The following MUC5AC variants were observed in gnomAD, a reference collection of about 807,000 sequenced individuals.
MUC5AC encodes mucin 5AC, oligomeric mucus/gel-forming, also known as mucin-5AC.
Under a neutral mutation model 169.7 loss-of-function variants are expected in MUC5AC, and 158 were observed. The observed-to-expected ratio is 0.93, with a 90% CI of 0.82 to 1.06. The LOEUF is 1.06. Ranked by LOEUF, MUC5AC falls within the 50% of genes least tolerant of loss-of-function variation. The pLI is 0.00. For missense variants in MUC5AC, 4,359 were observed against 3,089.9 expected (o/e 1.41, Z -9.74); for synonymous variants, 1,975 against 1,237.0 (o/e 1.60, Z -12.52).
chr11:1,199,748 GC>G lies in MUC5AC; in HGVS notation c.16574del (p.Pro5525ArgfsTer15). ...GCCRFCPPPPPPYQNQSTCAV... is the reference protein window; with the variant it reads ...GCCRFCPPPPXPYQNQSTCAV... Reference sequence around the variant, plus strand: ...GCTGCCGCTTCTGCCCGCCGCCCCCGCCCCCGTACCAGAACCGTGAGTACCC... The same window carrying G: ...GCTGCCGCTTCTGCCCGCCGCCCCCGCCCCGTACCAGAACCGTGAGTACCC... On this transcript the variant is annotated frameshift_variant, in exon 47 of 49. Transcript: ENST00000621226. LOFTEE classifies it high-confidence loss of function. 2 of 712,598 alleles carry G rather than the reference GC, an allele frequency of 2.8e-6. No individual in the cohort carries two copies. The highest frequency in any genetic ancestry group is 5.1e-6 in the Non-Finnish European group (2 of 390,896). 44.1% of individuals were successfully genotyped at this position (712,598 alleles called of 1,614,324 possible).
intron 15 of MUC5AC, chr11:1,169,268 C>T (rs966630350): frequency 4.3e-6 from 3 of 700,740 alleles, no homozygotes; most frequent in African/African-American, 3.9e-5. Flanking sequence ...TGGTCAACAT[C>T]CGCCCTGACC....
At position 1,178,654 on chromosome 11, in the gene MUC5AC, G is replaced by A. The variant is rs1044939284; in HGVS notation, c.3298G>A (p.Gly1100Ser). 1,614 of 1,337,794 alleles carry A rather than the reference G, an allele frequency of 1.2e-3. 23 individuals carry two copies. In the African/African-American group the frequency reaches 0.022, roughly 18 times the overall value. 82.9% of individuals were successfully genotyped at this position (1,337,794 alleles called of 1,614,324 possible). A position where few individuals can be genotyped will look rare whatever the true frequency, so the allele number is the denominator to read the frequency against. The change falls in exon 25 of 49, where the codon GGC becomes AGC. Residue 1100 changes from glycine (G) to serine (S), a missense_variant. Gly to Ser is a moderately conservative substitution (Grantham distance 56). Coordinates refer to ENST00000621226, the MANE Select transcript of MUC5AC (RefSeq NM_001304359.2). ...WAQKQCSILH[G>S]PTFAACHAHV... The stretch of plus-strand genomic sequence containing the variant: ...CCAGAAGCAGTGCAGCATCCTCCAC[G>A]GCCCCACCTTCGCCGCCTGCCACGC...
Position 1,177,269 on chromosome 11 carries a change from T to C in MUC5AC, c.2832T>C (p.Phe944=), listed in dbSNP as rs36132281. ...GGAAAGACAGCACCCAGGACTCCTT[T>C]CGTGTTGTCACCGAGAACGTCCCCT... ...CGGKDSTQDS[F]RVVTENVPCG... Residue 944 remains phenylalanine (F), a synonymous_variant, in exon 23 of 49, where the codon TTT becomes TTC. Coordinates refer to ENST00000621226, the MANE Select transcript of MUC5AC (RefSeq NM_001304359.2). The C allele has an allele frequency of 0.17, 73,783 of 438,192 alleles. 7,021 individuals carry two copies. Among genetic ancestry groups the C allele is most frequent in the Non-Finnish European group, 0.2 (48,255 of 247,080 alleles). The allele number at this position is 438,192 out of a possible 1,614,324, so 27.1% of individuals were successfully genotyped here.
chr11:1,166,390 A>G (rs1386582572), intron 11 of MUC5AC, among the ~76,000 whole-genome samples: 2 of 138,448 alleles, frequency 1.4e-5, no homozygotes, highest in African/African-American at 5.6e-5. Flanking sequence ...TCTCTCCACA[A>G]TGAGACCCTG....
Position 1,190,800 on chromosome 11 carries a change from T to A in MUC5AC, c.12655T>A (p.Ser4219Thr). 1.4e-6 allele frequency: 1 copy of A among 722,832 alleles called. No homozygotes were observed. Among genetic ancestry groups the A allele is most frequent in the South Asian group, 1.4e-5 (1 of 69,026 alleles). 44.8% of individuals were successfully genotyped at this position (722,832 alleles called of 1,614,324 possible). The change falls in exon 31 of 49, where the codon TCC (serine) becomes ACC (threonine). Residue 4219 changes from serine (S) to threonine (T), a missense_variant. Ser to Thr is a moderately conservative substitution (Grantham distance 58). Coordinates refer to ENST00000621226, the MANE Select transcript of MUC5AC (RefSeq NM_001304359.2). ...CTCAGCTGCTACAAGCAGCACAACC[T>A]CCGGTTCTGGAACTACTCCAAGCCC... ...KTSAATSSTTSGSGTTPSPVP... is the reference protein window; with the variant it reads ...KTSAATSSTTTGSGTTPSPVP...
chr11:1,187,352 C>A lies in MUC5AC; in HGVS notation c.9207C>A (p.Ser3069Arg). Reference sequence around the variant, plus strand: ...CTTCTGGTCCTGGAACTACCCCAAGCCCTGTTCCCACCACCAGCACAACCT... The same window carrying A: ...CTTCTGGTCCTGGAACTACCCCAAGACCTGTTCCCACCACCAGCACAACCT... The part of the protein sequence containing the change: ...SITSGPGTTP[S>R]PVPTTSTTSA... Residue 3069 changes from serine to arginine, a missense_variant, in exon 31 of 49, where the codon AGC becomes AGA. Coordinates refer to ENST00000621226, the MANE Select transcript of MUC5AC (RefSeq NM_001304359.2). The A allele has an allele frequency of 1.3e-6, 1 of 741,154 alleles. No individual in the cohort carries two copies. Among genetic ancestry groups the A allele is most frequent in the Non-Finnish European group, 2.5e-6 (1 of 405,250 alleles). 45.9% of individuals were successfully genotyped at this position (741,154 alleles called of 1,614,324 possible). A position where few individuals can be genotyped will look rare whatever the true frequency, so the allele number is the denominator to read the frequency against.
rs749493412 is a variant in MUC5AC at position 1,197,490 on chromosome 11, A to G, written c.15884A>G (p.Asp5295Gly). ...PVKVGHTVGM[D>G]CQECTCEAAT... ...CAGGTGGGCCACACCGTCGGCATGGACTGCCAGGAGTGCACGTGTGAGGCG... is the reference window on the plus strand; with the variant it reads ...CAGGTGGGCCACACCGTCGGCATGGGCTGCCAGGAGTGCACGTGTGAGGCG... The change falls in exon 41 of 49, where the codon GAC becomes GGC. Residue 5295 changes from aspartate (D) to glycine (G), a missense_variant. Asp to Gly is a moderately conservative substitution (Grantham distance 94). Transcript: ENST00000621226. 7.0e-6 allele frequency: 5 copies of G among 717,406 alleles called. No homozygotes were observed. Among genetic ancestry groups the G allele is most frequent in the South Asian group, 5.8e-5 (4 of 68,426 alleles). 44.4% of individuals were successfully genotyped at this position (717,406 alleles called of 1,614,324 possible).
Position 1,175,149 on chromosome 11 carries a change from C to T in MUC5AC, c.2348+12C>T, listed in dbSNP as rs1049585983. 1.3e-4 allele frequency: 46 copies of T among 342,810 alleles called. No individual in the cohort carries two copies. The highest frequency in any genetic ancestry group is 4.9e-4 in the Admixed American group (8 of 16,220). The allele number at this position is 342,810 out of a possible 1,614,324, so 21.2% of individuals were successfully genotyped here. On this transcript the variant is annotated intron_variant, in intron 18 of 48. Transcript: ENST00000621226. ...AGCGGGGCTATCTGGTAAGAGCTCC[C>T]GCTGTGGACTGGGGGGTCCCTCGTG...
At chr11:1,170,691 A>G (rs1288204449) in intron 15 of MUC5AC, among the ~76,000 whole-genome samples, 2 of 131,862 alleles carry the variant, frequency 1.5e-5, no homozygotes, top group African/African-American at 3.0e-5. Context: ...CCATTCACCC[A>G]CTCACCCACT....
Position 1,191,829 on chromosome 11 carries a change from A to C in MUC5AC, c.13684A>C (p.Thr4562Pro). 1.3e-6 allele frequency: 1 copy of C among 760,408 alleles called. No individual in the cohort carries two copies. The allele number at this position is 760,408 out of a possible 1,614,324, so 47.1% of individuals were successfully genotyped here. ...AACCTCTGCTCCTACAACTAGCACA[A>C]CCTCTGGTCCTGGAACTACTCCCAG... is the stretch of plus-strand genomic sequence containing the variant. ...STTSAPTTST[T>P]SGPGTTPSPV... Residue 4562 changes from threonine to proline, a missense_variant, in exon 31 of 49, where the codon ACC (threonine) becomes CCC (proline). Coordinates refer to ENST00000621226, the MANE Select transcript of MUC5AC (RefSeq NM_001304359.2).
chr11:1,186,769 G>C lies in MUC5AC; in HGVS notation c.8624G>C (p.Ser2875Thr). 3 of 740,396 alleles carry C rather than the reference G, an allele frequency of 4.1e-6. No individual in the cohort carries two copies. The highest frequency in any genetic ancestry group is 7.4e-6 in the Non-Finnish European group (3 of 405,770). The allele number at this position is 740,396 out of a possible 1,614,324, so 45.9% of individuals were successfully genotyped here. ...TSSTTSTATT[S>T]TTSGPGTTPS... ...AGCACAACCTCCACTGCTACAACCA[G>C]CACAACCTCTGGCCCTGGAACTACT... The change falls in exon 31 of 49, where the codon AGC becomes ACC. Residue 2875 changes from serine (S) to threonine (T), a missense_variant. Physicochemically the swap from Ser to Thr is moderately conservative, Grantham distance 58. Transcript: ENST00000621226.
chr11:1,161,523 G>C lies in MUC5AC; in HGVS notation c.152-4G>C, dbSNP rs756734924. ...GTGAATCCTACCAGCCCCTGTCTCC[G>C]CAGGGGTCCCGCTCCGTGGGGCGAC... is the stretch of plus-strand genomic sequence containing the variant. On this transcript the variant is annotated splice_region_variant and splice_polypyrimidine_tract_variant and intron_variant, in intron 2 of 48. Transcript: ENST00000621226. 1.9e-6 allele frequency: 3 copies of C among 1,596,382 alleles called. No homozygotes were observed. In the South Asian group the frequency reaches 3.3e-5, roughly 18 times the overall value.
chr11:1,199,039 G>T (rs541062843), intron 44 of MUC5AC, 43 bp downstream of exon 44: 2 of 763,130 alleles, frequency 2.6e-6, no homozygotes, highest in South Asian at 2.7e-5. Context: ...TGGCTCTTGG[G>T]GGGCAGCGGT....
chr11:1,167,857 T>A lies in MUC5AC; in HGVS notation c.1387-20T>A, dbSNP rs552410378. The stretch of plus-strand genomic sequence containing the variant: ...GCGTTGGATGGAGTGTGAGGACCCC[T>A]GGTGTGTCGTGTTCCGCAGCCCTGT... On this transcript the variant is annotated intron_variant, in intron 11 of 48. Transcript: ENST00000621226. 1 of 1,546,266 alleles carries A rather than the reference T, an allele frequency of 6.5e-7. No homozygotes were observed. Among genetic ancestry groups the A allele is most frequent in the East Asian group, 2.4e-5 (1 of 40,902 alleles).
intron 15 of MUC5AC, among the ~76,000 whole-genome samples, chr11:1,171,329 A>C: frequency 1.9e-5 from 2 of 102,914 alleles, no homozygotes; most frequent in African/African-American, 4.0e-5. Context: ...CACCTCACTC[A>C]CTCACTCACG....
In MUC5AC at chr11:1,185,767, C is replaced by A. The variant is rs1469470921; in HGVS notation, c.7622C>A (p.Thr2541Asn). Residue 2541 changes from threonine to asparagine, a missense_variant, in exon 31 of 49, where the codon ACC becomes AAC. Thr to Asn is a moderately conservative substitution (Grantham distance 65). Transcript: ENST00000621226. ...TPSPVPTTST[T>N]SAPTTSTTSA... ...AGCCCTGTTCCCACCACCAGCACAA[C>A]CTCTGCTCCTACAACCAGCACAACC... 113,359 of 749,358 alleles carry A rather than the reference C, an allele frequency of 0.15. 8,563 individuals carry two copies. Among genetic ancestry groups the A allele is most frequent in the Non-Finnish European group, 0.19 (77,337 of 409,908 alleles). The allele number at this position is 749,358 out of a possible 1,614,324, so 46.4% of individuals were successfully genotyped here.
Position 1,195,912 on chromosome 11 carries a change from G to C in MUC5AC, c.15495G>C (p.Leu5165=). 1.3e-6 allele frequency: 1 copy of C among 764,928 alleles called. No individual in the cohort carries two copies. The highest frequency in any genetic ancestry group is 1.3e-5 in the South Asian group (1 of 74,616). 47.4% of individuals were successfully genotyped at this position (764,928 alleles called of 1,614,324 possible). ...CGTGCCACACTGTGATCCCCCCACT[G>C]CTGTTCTATGAGGGCTGCGTCTTTG... The part of the protein sequence containing the change: ...FEPCHTVIPP[L]LFYEGCVFDR... The change falls in exon 37 of 49, where the codon CTG becomes CTC. Residue 5165 remains leucine (L), a synonymous_variant. Coordinates refer to ENST00000621226, the MANE Select transcript of MUC5AC (RefSeq NM_001304359.2).
chr11:1,198,465 G>A (rs1861340659), intron 43 of MUC5AC, among the ~76,000 whole-genome samples, 160 bp downstream of exon 43: 2 of 152,276 alleles, frequency 1.3e-5, no homozygotes, highest in South Asian at 4.1e-4. Flanking sequence ...TGAGGCCCGA[G>A]GTCGGCCCCA....
In MUC5AC at chr11:1,191,527, C is replaced by CT. The variant is rs1861096332; in HGVS notation, c.13383dup (p.Thr4462TyrfsTer99). ...TCTACAACCAGCACAATCTCTCTCC[C>CT]TACAACCAGCACAACCTCTGCTCCT... On this transcript the variant is annotated frameshift_variant, in exon 31 of 49. Coordinates refer to ENST00000621226, the MANE Select transcript of MUC5AC (RefSeq NM_001304359.2). LOFTEE classifies it high-confidence loss of function. 2 of 740,926 alleles carry CT rather than the reference C, an allele frequency of 2.7e-6. No individual in the cohort carries two copies. The highest frequency in any genetic ancestry group is 3.6e-5 in the African/African-American group (2 of 55,678). 45.9% of individuals were successfully genotyped at this position (740,926 alleles called of 1,614,324 possible). A position where few individuals can be genotyped will look rare whatever the true frequency, so the allele number is the denominator to read the frequency against.
Sources: allele counts gnomAD v4.1 joint callset (sites outside exome capture counted in the v4.1 genomes callset), GRCh38; gene constraint gnomAD v4.1.1; transcripts MANE v1.5; gene names NCBI Gene and HGNC (gene_info 2026-07-23, HGNC 2026-07-21).